NUP58: variants seen among roughly 807,000 people sequenced by gnomAD.
NUP58 encodes nucleoporin 58, also known as nucleoporin p58/p45.
A neutral mutation model predicts 70.1 loss-of-function variants in NUP58; 17 were observed. That is an observed-to-expected ratio of 0.24 (90% CI 0.17 to 0.36). The LOEUF is 0.36. Ranked by LOEUF, NUP58 falls within the 10% of genes least tolerant of loss-of-function variation. The pLI is 1.00. For synonymous variants in NUP58, 275 were observed against 257.6 expected, an observed-to-expected ratio of 1.07 and a Z score of -0.65; for missense variants, 644 against 701.5, an observed-to-expected ratio of 0.92 and a Z score of 0.93.
At chr13:25,337,088 A>G in intron 14 of NUP58, 54 bp downstream of exon 14, 1 of 1,219,666 alleles carries the variant, frequency 8.2e-7, no homozygotes. Flanking sequence ...TTGAATTGAT[A>G]CTAGCCTGTA....
At position 25,339,971 on chromosome 13, in the gene NUP58, G is replaced by T. The variant is rs778552518; in HGVS notation, c.1637G>T (p.Gly546Val). 1.9e-6 allele frequency: 3 copies of T among 1,592,726 alleles called. No homozygotes were observed. The highest frequency in any genetic ancestry group is 1.4e-5 in the African/African-American group (1 of 73,374). Reference sequence around the variant, plus strand: ...TTTTTTCCCTAAACATAAGGCTTTGGCAGCTCAAGTACATCTGGGTTTAAC... The same window carrying T: ...TTTTTTCCCTAAACATAAGGCTTTGTCAGCTCAAGTACATCTGGGTTTAAC... The part of the protein sequence containing the change: ...KPSGSLSAGF[G>V]SSSTSGFNFS... The change falls in exon 16 of 16, where the codon GGC (glycine) becomes GTC (valine). Residue 546 changes from glycine (G) to valine (V), a missense_variant. This residue lies in a region of NUP58 where 132 missense variants were observed against 203.9 expected (regional missense o/e 0.65). Coordinates refer to ENST00000381736, the MANE Select transcript of NUP58 (RefSeq NM_014089.4).
In NUP58 at chr13:25,327,015, T is replaced by C. The variant is rs1481577973; in HGVS notation, c.1131T>C (p.Asn377=). 2 of 1,596,210 alleles carry C rather than the reference T, an allele frequency of 1.3e-6. No homozygotes were observed. Among genetic ancestry groups the C allele is most frequent in the East Asian group, 4.5e-5 (2 of 44,436 alleles). ...ACCATCTTGCCACTCAAGCAAATAATTCACATATAACCCCTCAAGGTAACA... is the reference window on the plus strand; with the variant it reads ...ACCATCTTGCCACTCAAGCAAATAACTCACATATAACCCCTCAAGGTAACA... ...LENHLATQAN[N]SHITPQDLSM... is the part of the protein sequence containing the mutation. Residue 377 remains asparagine (N), a synonymous_variant, in exon 11 of 16, where the codon AAT becomes AAC. Transcript: ENST00000381736.
In NUP58 at chr13:25,327,478, C is replaced by T. The variant is rs1349846588; in HGVS notation, c.1199C>T (p.Ala400Val). ...QKIYQTFVAL[A>V]AQLQSIHENV... ...ATTTATCAAACATTTGTAGCTTTAG[C>T]GGCACAACTTCAGTCTATTCATGAA... The change falls in exon 12 of 16, where the codon GCG (alanine) becomes GTG (valine). Residue 400 changes from alanine to valine, a missense_variant. Transcript: ENST00000381736. 6 of 1,609,736 alleles carry T rather than the reference C, an allele frequency of 3.7e-6. No individual in the cohort carries two copies. The highest frequency in any genetic ancestry group is 1.1e-5 in the South Asian group (1 of 89,856).
At chr13:25,317,571 AAATAT>A (rs2030989421) in intron 6 of NUP58, 2 of 152,190 alleles carry the variant, frequency 1.3e-5, no homozygotes, top group South Asian at 4.1e-4. Context: ...AGTATTTACA[AAATAT>A]AATAAAATGT....
At chr13:25,308,456 C>G (rs1055459986) in intron 2 of NUP58, among the ~76,000 whole-genome samples, 15 of 148,402 alleles carry the variant, frequency 1.0e-4, no homozygotes, top group African/African-American at 3.7e-4. Context: ...GTGTGCACCA[C>G]CACGCCTGGC....
rs531492891 is a variant in NUP58 at position 25,313,125 on chromosome 13, T to C, written c.436+93T>C. ...GATAGTCACCTTACTACAGAAATTA[T>C]TGATTTATAAAGAAGAAAATTCAGC... On this transcript the variant is annotated intron_variant, in intron 4 of 15. Coordinates refer to ENST00000381736, the MANE Select transcript of NUP58 (RefSeq NM_014089.4). 7.1e-6 allele frequency: 10 copies of C among 1,410,366 alleles called. No homozygotes were observed. The East Asian group carries it at 9.3e-5, about 13-fold the overall frequency. 87.4% of individuals were successfully genotyped at this position (1,410,366 alleles called of 1,614,324 possible).
At chr13:25,306,408 A>AG (rs2030362886) in intron 1 of NUP58, among the ~76,000 whole-genome samples, 1 of 151,936 alleles carries the variant, frequency 6.6e-6, no homozygotes, top group Non-Finnish European at 1.5e-5. Context: ...AAAAAAAAAA[A>AG]AAAAAAATCT....
At chr13:25,319,590 T>G (rs1054629982) in intron 7 of NUP58, among the ~76,000 whole-genome samples, 4 of 152,110 alleles carry the variant, frequency 2.6e-5, no homozygotes, top group Non-Finnish European at 5.9e-5. Flanking sequence ...GTGTTTGGTA[T>G]TTCTCTAATA....
At position 25,315,597 on chromosome 13, in the gene NUP58, T is replaced by C. The variant is rs949538784; in HGVS notation, c.685+130T>C. ...AGTAACAGTTAGCTATCTTAATGTGTATACGAATATGTATTTTTTAATAGG... is the reference window on the plus strand; with the variant it reads ...AGTAACAGTTAGCTATCTTAATGTGCATACGAATATGTATTTTTTAATAGG... On this transcript the variant is annotated intron_variant, in intron 6 of 15. Transcript: ENST00000381736. The C allele has an allele frequency of 4.8e-6, 3 of 626,846 alleles. No individual in the cohort carries two copies. In the African/African-American group the frequency reaches 5.5e-5, roughly 11 times the overall value. The allele number at this position is 626,846 out of a possible 1,614,324, so 38.8% of individuals were successfully genotyped here. A position where few individuals can be genotyped will look rare whatever the true frequency, so the allele number is the denominator to read the frequency against.
At chr13:25,343,018 T>A (rs182004010), downstream of NUP58, among the ~76,000 whole-genome samples, 3,300 of 152,238 alleles carry the variant, frequency 0.022, 48 homozygotes, top group African/African-American at 0.036. Flanking sequence ...TGTAATTTTT[T>A]AAAATTTTTT....
chr13:25,339,742 T>C (rs770958789), intron 15 of NUP58, among the ~76,000 whole-genome samples: 6 of 152,228 alleles, frequency 3.9e-5, no homozygotes, highest in Non-Finnish European at 8.8e-5. Flanking sequence ...CTAAGGTTTC[T>C]CTTTTGACCT....
intron 13 of NUP58, chr13:25,335,408 A>C (rs2031745437): frequency 3.0e-6 from 3 of 985,248 alleles, no homozygotes; most frequent in Non-Finnish European, 3.6e-6. Flanking sequence ...TTAACCTGTG[A>C]CAAACAAGTC....
At chr13:25,343,184 C>T (rs927019470), downstream of NUP58, among the ~76,000 whole-genome samples, 2 of 152,126 alleles carry the variant, frequency 1.3e-5, no homozygotes, top group Middle Eastern at 3.4e-3. Flanking sequence ...CACCCCTTCC[C>T]CTCTTAAGTT....
At chr13:25,320,737 GA>G (rs1386688297) in intron 8 of NUP58, 142 bp downstream of exon 8, 5 of 767,986 alleles carry the variant, frequency 6.5e-6, no homozygotes, top group Non-Finnish European at 1.0e-5. Context: ...TTAGAAATCA[GA>G]AAAAAAGCAG....
At chr13:25,318,867 G>A (rs1052156574) in intron 6 of NUP58, among the ~76,000 whole-genome samples, 1 of 152,146 alleles carries the variant, frequency 6.6e-6, no homozygotes, top group African/African-American at 2.4e-5. Flanking sequence ...GTACTGATAG[G>A]GCCTTAAAAA....
Position 25,327,515 on chromosome 13 carries a change from A to G in NUP58, c.1233+3A>G. On this transcript the variant is annotated splice_donor_region_variant and intron_variant, in intron 12 of 15. Coordinates refer to ENST00000381736, the MANE Select transcript of NUP58 (RefSeq NM_014089.4). ...AGTCTATTCATGAAAATGTAAAGGT[A>G]AGTTTTCATTACCCATTTATCTACC... The G allele has an allele frequency of 1.3e-6, 2 of 1,596,380 alleles. No homozygotes were observed. The highest frequency in any genetic ancestry group is 2.2e-5 in the South Asian group (2 of 89,258).
At chr13:25,314,276 T>C (rs1055957668) in intron 5 of NUP58, among the ~76,000 whole-genome samples, 2 of 152,014 alleles carry the variant, frequency 1.3e-5, no homozygotes, top group Admixed American at 1.3e-4. Context: ...TTCTCAATAT[T>C]GACTAACCAG....
In NUP58 at chr13:25,327,011, A is replaced by G; in HGVS notation, c.1127A>G (p.Asn376Ser). ...ELENHLATQA[N>S]NSHITPQDLS... ...GAAAACCATCTTGCCACTCAAGCAA[A>G]TAATTCACATATAACCCCTCAAGGT... Residue 376 changes from asparagine to serine, a missense_variant, in exon 11 of 16, where the codon AAT (asparagine) becomes AGT (serine). By Grantham distance (46) the Asn-to-Ser change is conservative (BLOSUM62 1). Around this residue, in one of 4 missense-constraint regions of NUP58, gnomAD observed 78 missense variants for 71.3 expected, o/e 1.09. Transcript: ENST00000381736. The G allele has an allele frequency of 6.3e-7, 1 of 1,597,526 alleles. No homozygotes were observed. The highest frequency in any genetic ancestry group is 2.2e-5 in the East Asian group (1 of 44,486).
At chr13:25,312,658 G>A (rs960135063) in intron 3 of NUP58, among the ~76,000 whole-genome samples, 2 of 152,180 alleles carry the variant, frequency 1.3e-5, no homozygotes, top group African/African-American at 2.4e-5. Flanking sequence ...GTGAGCCACT[G>A]TACCTGGCCA....
Sources: allele counts gnomAD v4.1 joint callset (sites outside exome capture counted in the v4.1 genomes callset), GRCh38; gene constraint gnomAD v4.1.1; regional missense constraint gnomAD v4.1.1; transcripts MANE v1.5; gene names NCBI Gene and HGNC (gene_info 2026-07-23, HGNC 2026-07-21).